The following ZFYVE28 variants were observed in gnomAD, a reference collection of about 807,000 sequenced individuals.
ZFYVE28 encodes zinc finger FYVE-type containing 28.
ZFYVE28 carries 40 observed loss-of-function variants against 82.1 expected under a neutral mutation model. That is an observed-to-expected ratio of 0.49 (90% CI 0.38 to 0.63). ZFYVE28 has a LOEUF of 0.63. ZFYVE28 is among the 30% of genes least tolerant of loss of function. ZFYVE28 has a pLI of 0.00. For synonymous variants in ZFYVE28, 612 were observed against 546.1 expected (o/e 1.12, Z -1.68); for missense variants, 1,321 against 1,242.1 (o/e 1.06, Z -0.96).
chr4:2,330,841 T>TG, intron 6 of ZFYVE28: 1 of 1,524,446 alleles, frequency 6.6e-7, no homozygotes, highest in Non-Finnish European at 8.8e-7. Flanking sequence ...AGCGGGTGCG[T>TG]GGGGACTGGG....
In ZFYVE28 at chr4:2,407,203, C is replaced by G. The variant is rs536371860; in HGVS notation, c.39+11082G>C. On this transcript the variant is annotated intron_variant, in intron 1 of 12. Coordinates refer to ENST00000290974, the MANE Select transcript of ZFYVE28 (RefSeq NM_020972.3). The stretch of plus-strand genomic sequence containing the variant: ...AGTACATTTTCCAGTACTTCTTCAG[C>G]AATGATTTGGGGGCGGTTACTTTTT... Among the ~76,000 whole-genome samples the G allele has an allele frequency of 2.2e-4, 34 of 152,256 alleles. No individual in the cohort carries two copies. The South Asian group carries it at 6.8e-3, about 31-fold the overall frequency.
chr4:2,355,564 G>A (rs1725193193), intron 1 of ZFYVE28, among the ~76,000 whole-genome samples: 1 of 150,106 alleles, frequency 6.7e-6, no homozygotes, highest in Admixed American at 6.6e-5. Context: ...ACAGGCCTGA[G>A]CCACTGTGCC....
At chr4:2,375,138 C>T (rs1316413840) in intron 1 of ZFYVE28, among the ~76,000 whole-genome samples, 4 of 152,218 alleles carry the variant, frequency 2.6e-5, no homozygotes, top group African/African-American at 7.2e-5. Flanking sequence ...GCTCACGTCC[C>T]CTTCCCTCCC....
intron 6 of ZFYVE28, among the ~76,000 whole-genome samples, chr4:2,322,255 C>T (rs1423687130): frequency 6.6e-6 from 1 of 152,216 alleles, no homozygotes; most frequent in East Asian, 1.9e-4. Flanking sequence ...GCATTTGTCT[C>T]TGCACCTGGC....
chr4:2,401,523 G>A (rs886568457), intron 1 of ZFYVE28, among the ~76,000 whole-genome samples: 7 of 152,180 alleles, frequency 4.6e-5, no homozygotes, highest in Non-Finnish European at 7.4e-5. Context: ...GACACCAGAC[G>A]GTGCTACCTG....
intron 7 of ZFYVE28, among the ~76,000 whole-genome samples, chr4:2,314,133 G>A (rs898854504): frequency 6.6e-6 from 1 of 152,276 alleles, no homozygotes; most frequent in South Asian, 2.1e-4. Context: ...CTACTGAATT[G>A]CCTGTTTATC....
intron 1 of ZFYVE28, chr4:2,364,780 C>T (rs899915866): frequency 1.0e-6 from 1 of 985,526 alleles, no homozygotes; most frequent in Non-Finnish European, 1.2e-6. Context: ...CTCGTCAAGG[C>T]GCCCACGGCC....
chr4:2,271,096 C>G (rs2108796212), intron 12 of ZFYVE28: 1 of 740,710 alleles, frequency 1.4e-6, no homozygotes, highest in East Asian at 2.7e-5. Flanking sequence ...GTGGCTGGCT[C>G]TGCAGCAGCC....
At position 2,300,329 on chromosome 4, in the gene ZFYVE28, C is replaced by T. The variant is rs934102507; in HGVS notation, c.2051+3960G>A. The stretch of plus-strand genomic sequence containing the variant: ...TTCTGGATCAAAGAGGTAAGGCTAG[C>T]TGAAGGGAAAATAAGCTTTTAAAAA... On this transcript the variant is annotated intron_variant, in intron 8 of 12. Coordinates refer to ENST00000290974, the MANE Select transcript of ZFYVE28 (RefSeq NM_020972.3). The surrounding 1 kb of genome is among the most constrained non-coding windows in gnomAD (Gnocchi z 4.6). 1.4e-4 allele frequency among the ~76,000 whole-genome samples: 22 copies of T among 152,252 alleles called. No homozygotes were observed. Among genetic ancestry groups the T allele is most frequent in the Admixed American group, 1.3e-3 (20 of 15,292 alleles).
intron 1 of ZFYVE28, among the ~76,000 whole-genome samples, chr4:2,354,284 G>C (rs909849466): frequency 6.6e-6 from 1 of 151,954 alleles, no homozygotes; most frequent in Non-Finnish European, 1.5e-5. Flanking sequence ...CTGATTCAAG[G>C]GTCCCCAGGG....
intron 7 of ZFYVE28, among the ~76,000 whole-genome samples, chr4:2,314,454 T>C (rs920228171): frequency 6.6e-6 from 1 of 152,252 alleles, no homozygotes; most frequent in Non-Finnish European, 1.5e-5. Context: ...TTCTATTTGG[T>C]CCATTTGTTG....
intron 1 of ZFYVE28, among the ~76,000 whole-genome samples, chr4:2,390,165 G>C (rs768336354): frequency 6.7e-6 from 1 of 148,444 alleles, no homozygotes; most frequent in Non-Finnish European, 1.5e-5. Context: ...TGTGAAGATG[G>C]AGGTGGAGAC....
chr4:2,370,702 C>T (rs148844312), intron 1 of ZFYVE28, among the ~76,000 whole-genome samples: 2,030 of 152,302 alleles, frequency 0.013, 20 homozygotes, highest in Middle Eastern at 0.034. Flanking sequence ...CCTGCTGCCA[C>T]CCCCACCTCT....
At chr4:2,346,712 C>T (rs1271416926) in intron 2 of ZFYVE28, among the ~76,000 whole-genome samples, 1 of 152,182 alleles carries the variant, frequency 6.6e-6, no homozygotes, top group East Asian at 1.9e-4. Context: ...TTATTATAAA[C>T]CCTAAAGCAA....
In ZFYVE28 at chr4:2,417,662, T is replaced by G. The variant is rs949301038; in HGVS notation, c.39+623A>C. 1.3e-5 allele frequency among the ~76,000 whole-genome samples: 2 copies of G among 151,630 alleles called. No homozygotes were observed. The highest frequency in any genetic ancestry group is 2.4e-5 in the African/African-American group (1 of 41,154). ...CGAACTGGGCCGAGGTGTGGGTCAG[T>G]CCTGGTTCGGGAAGGGAGGCCGTTG... On this transcript the variant is annotated intron_variant, in intron 1 of 12. Coordinates refer to ENST00000290974, the MANE Select transcript of ZFYVE28 (RefSeq NM_020972.3). The surrounding 1 kb of genome is among the most constrained non-coding windows in gnomAD (Gnocchi z 4.8).
chr4:2,329,145 G>A lies in ZFYVE28; in HGVS notation c.701+6560C>T, dbSNP rs1050513835. ...ATTTTAGAACACCTTTTCCATTTCT[G>A]CAAAACAAAAAGGCCAATGGAGTTT... On this transcript the variant is annotated intron_variant, in intron 6 of 12. Coordinates refer to ENST00000290974, the MANE Select transcript of ZFYVE28 (RefSeq NM_020972.3). 6 of 695,892 alleles carry A rather than the reference G, an allele frequency of 8.6e-6. No homozygotes were observed. The African/African-American group carries it at 8.8e-5, about 10-fold the overall frequency. 43.1% of individuals were successfully genotyped at this position (695,892 alleles called of 1,614,324 possible). A position where few individuals can be genotyped will look rare whatever the true frequency, so the allele number is the denominator to read the frequency against.
chr4:2,371,550 A>G (rs3128804), intron 1 of ZFYVE28, among the ~76,000 whole-genome samples: 101,146 of 151,648 alleles, frequency 0.67, 34,041 homozygotes, highest in East Asian at 0.8. Flanking sequence ...GAGGCTTGAC[A>G]TATGGCAGGA....
rs748116632 is a variant in ZFYVE28, at chr4:2,304,353, C to T, written c.1987G>A (p.Ala663Thr). Residue 663 changes from alanine to threonine, a missense_variant, in exon 8 of 13, where the codon GCC becomes ACC. Physicochemically the swap from Ala to Thr is moderately conservative, Grantham distance 58 (BLOSUM62 0). Transcript: ENST00000290974. ...AGVAGQQEPE[A>T]RELHAGSPSA... is the part of the protein sequence containing the mutation. Reference sequence around the variant, plus strand: ...GGGCTCCCAGCATGCAGCTCTCTGGCCTCTGGCTCCTGCTGACCTGCAACC... The same window carrying T: ...GGGCTCCCAGCATGCAGCTCTCTGGTCTCTGGCTCCTGCTGACCTGCAACC... 1 of 1,609,242 alleles carries T rather than the reference C, an allele frequency of 6.2e-7. No individual in the cohort carries two copies. Among genetic ancestry groups the T allele is most frequent in the African/African-American group, 1.3e-5 (1 of 75,068 alleles).
chr4:2,272,493 C>T lies in ZFYVE28; in HGVS notation c.2323+680G>A, dbSNP rs150409049. On this transcript the variant is annotated intron_variant, in intron 10 of 12. Coordinates refer to ENST00000290974, the MANE Select transcript of ZFYVE28 (RefSeq NM_020972.3). ...CTCCCTCCCAGATAACATGTGCGCA[C>T]GTGTGAGTGGGAGCGTATGTGCACA... Among the ~76,000 whole-genome samples, 706 of 152,278 alleles carry T rather than the reference C, an allele frequency of 4.6e-3. 4 individuals carry two copies. Among genetic ancestry groups the T allele is most frequent in the South Asian group, 0.016 (76 of 4,818 alleles).
Sources: allele counts gnomAD v4.1 joint callset (sites outside exome capture counted in the v4.1 genomes callset), GRCh38; gene constraint gnomAD v4.1.1; non-coding constraint Gnocchi (gnomAD v3.1); transcripts MANE v1.5; gene names NCBI Gene and HGNC (gene_info 2026-07-23, HGNC 2026-07-21).